XRCC4: variants seen among roughly 807,000 people sequenced by gnomAD.
XRCC4 encodes DNA repair protein XRCC4.
A neutral mutation model predicts 39.1 loss-of-function variants in XRCC4; 28 were observed. The observed-to-expected ratio is 0.72, with a 90% CI of 0.53 to 0.98. The LOEUF is 0.98. XRCC4 is among the 50% of genes least tolerant of loss of function. The pLI is 0.00. For synonymous variants in XRCC4, 123 were observed against 126.4 expected (o/e 0.97, Z 0.18); for missense variants, 350 against 376.4 (o/e 0.93, Z 0.58).
intron 3 of XRCC4, among the ~76,000 whole-genome samples, chr5:83,172,783 T>G (rs1713029196): frequency 6.6e-6 from 1 of 152,164 alleles, no homozygotes; most frequent in African/African-American, 2.4e-5. Context: ...TACTCACTGA[T>G]GAGACAACAA....
chr5:83,126,452 A>T (rs976161432), intron 3 of XRCC4, among the ~76,000 whole-genome samples: 2 of 151,832 alleles, frequency 1.3e-5, no homozygotes, highest in African/African-American at 4.8e-5. Flanking sequence ...TTCTTTGAGA[A>T]TTTTTTCTGT....
chr5:83,091,597 T>C (rs1164697246), intron 1 of XRCC4, among the ~76,000 whole-genome samples: 1 of 152,234 alleles, frequency 6.6e-6, no homozygotes, highest in Non-Finnish European at 1.5e-5. Context: ...ATTATACATA[T>C]AAGTGAGAAC....
In XRCC4 at chr5:83,258,538, A is replaced by G; in HGVS notation, c.754A>G (p.Ser252Gly). ...DLSGLASAAV[S>G]KDDSIISSLD... ...ATCTCATTTTATTTCAGCTGCTGTA[A>G]GTAAAGATGATTCCATTATTTCAAG... Residue 252 changes from serine to glycine, a missense_variant, in exon 7 of 8, where the codon AGT becomes GGT. Coordinates refer to ENST00000396027, the MANE Select transcript of XRCC4 (RefSeq NM_003401.5). 1 of 1,606,082 alleles carries G rather than the reference A, an allele frequency of 6.2e-7. No homozygotes were observed.
intron 4 of XRCC4, among the ~76,000 whole-genome samples, chr5:83,203,036 T>TTGTG (rs148018202): frequency 1.3e-5 from 2 of 150,218 alleles, no homozygotes; most frequent in Admixed American, 6.6e-5. Flanking sequence ...CTATATGTAT[T>TTGTG]TGTGTGTGTG....
rs371307071 is a variant in XRCC4, at chr5:83,111,100, G to C, written c.212G>C (p.Arg71Thr). The C allele has an allele frequency of 2.3e-5, 37 of 1,611,854 alleles. No homozygotes were observed. The highest frequency in any genetic ancestry group is 3.1e-5 in the Non-Finnish European group (37 of 1,179,030). ...MEKGKYVGELRKALLSGAGPA... is the reference protein window; with the variant it reads ...MEKGKYVGELTKALLSGAGPA... ...AAAGGGAAATATGTTGGTGAACTGA[G>C]AAAAGCATTGTTGTCAGGAGCAGGA... The change falls in exon 3 of 8, where the codon AGA (arginine) becomes ACA (threonine). Residue 71 changes from arginine to threonine, a missense_variant. By Grantham distance (71) the Arg-to-Thr change is moderately conservative (BLOSUM62 -1). Transcript: ENST00000396027.
chr5:83,129,974 A>T (rs182677736), intron 3 of XRCC4, among the ~76,000 whole-genome samples: 1 of 151,992 alleles, frequency 6.6e-6, no homozygotes, highest in Admixed American at 6.6e-5. Context: ...TCTCCTGCCT[A>T]ATTGCCCTGG....
At chr5:83,309,856 A>G (rs1049567808) in intron 7 of XRCC4, among the ~76,000 whole-genome samples, 4 of 152,122 alleles carry the variant, frequency 2.6e-5, no homozygotes, top group Non-Finnish European at 4.4e-5. Context: ...GTTGACTGGA[A>G]TAAGTACAAT....
intron 3 of XRCC4, among the ~76,000 whole-genome samples, chr5:83,142,483 C>T (rs574935709): frequency 5.3e-5 from 8 of 152,116 alleles, no homozygotes; most frequent in Non-Finnish European, 7.4e-5. Flanking sequence ...AGTTAATGTG[C>T]TTAAATGTTA....
intron 6 of XRCC4, among the ~76,000 whole-genome samples, chr5:83,208,086 T>C (rs1051286587): frequency 5.3e-5 from 8 of 152,044 alleles, no homozygotes; most frequent in African/African-American, 1.9e-4. Flanking sequence ...ATTTTTATCA[T>C]TAATTATTAA....
In XRCC4 at chr5:83,092,040, A is replaced by G. The variant is rs1051937915; in HGVS notation, c.-10-12870A>G. On this transcript the variant is annotated intron_variant, in intron 1 of 7. Coordinates refer to ENST00000396027, the MANE Select transcript of XRCC4 (RefSeq NM_003401.5). Reference sequence around the variant, plus strand: ...GCAAGTGTTTGTTGTTTTTGTTGATAGTGGCCATTCTCACAGATAGGAGGT... The same window carrying G: ...GCAAGTGTTTGTTGTTTTTGTTGATGGTGGCCATTCTCACAGATAGGAGGT... Among the ~76,000 whole-genome samples the G allele has an allele frequency of 3.9e-5, 6 of 152,100 alleles. No homozygotes were observed. In the South Asian group the frequency reaches 1.2e-3, roughly 31 times the overall value.
intron 1 of XRCC4, among the ~76,000 whole-genome samples, chr5:83,087,429 G>A (rs1004699267): frequency 4.0e-5 from 6 of 151,896 alleles, no homozygotes; most frequent in African/African-American, 7.3e-5. Flanking sequence ...TTGGGAGGCC[G>A]AGGCAGGTAG....
At chr5:83,173,194 C>A (rs555949380) in intron 3 of XRCC4, among the ~76,000 whole-genome samples, 2 of 152,072 alleles carry the variant, frequency 1.3e-5, no homozygotes, top group African/African-American at 4.8e-5. Flanking sequence ...AGGATATAAC[C>A]ACAGATTCAA....
intron 7 of XRCC4, among the ~76,000 whole-genome samples, chr5:83,313,025 A>G (rs1285066489): frequency 1.3e-5 from 2 of 151,950 alleles, no homozygotes; most frequent in Non-Finnish European, 2.9e-5. Flanking sequence ...TCTACTGCTG[A>G]TGAGATTTGA....
chr5:83,265,235 G>GTCTTT lies in XRCC4; in HGVS notation c.893+6558_893+6559insTCTTT, dbSNP rs1487644807. ...CAATTTTTGTAGATTTTTGGTACCT[G>GTCTTT]AACTATAGACTTTTTAAATGTCAAA... On this transcript the variant is annotated intron_variant, in intron 7 of 7. Transcript: ENST00000396027. Among the ~76,000 whole-genome samples the GTCTTT allele has an allele frequency of 2.4e-3, 370 of 152,102 alleles. 1 individual carries two copies. The highest frequency in any genetic ancestry group is 8.6e-3 in the African/African-American group (356 of 41,502).
chr5:83,323,300 CA>C (rs932217026), intron 7 of XRCC4, among the ~76,000 whole-genome samples: 5 of 150,918 alleles, frequency 3.3e-5, no homozygotes, highest in Non-Finnish European at 5.9e-5. Context: ...TCATATTTAT[CA>C]AAAAAAAGTA....
chr5:83,143,024 T>C (rs1748259332), intron 3 of XRCC4, among the ~76,000 whole-genome samples: 1 of 152,174 alleles, frequency 6.6e-6, no homozygotes, highest in Non-Finnish European at 1.5e-5. Flanking sequence ...TTGGTAACAC[T>C]TAAATGTAGA....
rs187928342 is a variant in XRCC4 at position 83,315,970 on chromosome 5, C to T, written c.894-37161C>T. Among the ~76,000 whole-genome samples, 307 of 152,184 alleles carry T rather than the reference C, an allele frequency of 2.0e-3. 4 individuals carry two copies. The Middle Eastern group carries it at 0.041, about 20-fold the overall frequency. On this transcript the variant is annotated intron_variant, in intron 7 of 7. Transcript: ENST00000396027. ...GATAGTGATTCCTCTGATGGATCTT[C>T]GCAAAGTAAATTGAAAATGTTCTGG...
intron 6 of XRCC4, among the ~76,000 whole-genome samples, chr5:83,218,093 A>C (rs1751937210): frequency 7.1e-6 from 1 of 140,278 alleles, no homozygotes; most frequent in African/African-American, 2.8e-5. Context: ...TTAGATTTTA[A>C]GTTCTAGGGT....
intron 6 of XRCC4, among the ~76,000 whole-genome samples, chr5:83,250,077 G>A (rs1002436635): frequency 3.3e-5 from 5 of 152,094 alleles, no homozygotes; most frequent in African/African-American, 1.2e-4. Flanking sequence ...AATGTCTTAG[G>A]TTGACAGAAG....
Sources: allele counts gnomAD v4.1 joint callset (sites outside exome capture counted in the v4.1 genomes callset), GRCh38; gene constraint gnomAD v4.1.1; transcripts MANE v1.5; gene names NCBI Gene and HGNC (gene_info 2026-07-23, HGNC 2026-07-21).